Variants in ZNF132 observed in about 807,000 individuals in gnomAD.
ZNF132 encodes zinc finger protein 132.
Under a neutral mutation model 9.3 loss-of-function variants are expected in ZNF132, and 6 were observed. The ratio of observed to expected loss-of-function variants is 0.65; its 90% CI spans 0.35 to 1.28. The LOEUF is 1.28. Among genes scored for constraint, ZNF132 ranks in the 50% most tolerant of loss-of-function variants. ZNF132 has a pLI of 0.03. For synonymous variants in ZNF132, 296 were observed against 292.0 expected (o/e 1.01, Z -0.14); for missense variants, 877 against 843.2 (o/e 1.04, Z -0.50).
At chr19:58,436,667 CAA>C (rs56078209) in intron 2 of ZNF132, among the ~76,000 whole-genome samples, 17 of 65,546 alleles carry the variant, frequency 2.6e-4, no homozygotes, top group East Asian at 6.2e-4. Context: ...GACTCCATCT[CAA>C]AAAAAAAAAA....
chr19:58,436,461 T>C lies in ZNF132; in HGVS notation c.232+586A>G, dbSNP rs1009151547. On this transcript the variant is annotated intron_variant, in intron 2 of 2. Coordinates refer to ENST00000254166, the MANE Select transcript of ZNF132 (RefSeq NM_003433.4). ...GTGGGTGGATCACGAGGTCAGGAGATTGAGACCATCCTGGCTAACATGGTG... is the reference window on the plus strand; with the variant it reads ...GTGGGTGGATCACGAGGTCAGGAGACTGAGACCATCCTGGCTAACATGGTG... Among the ~76,000 whole-genome samples, 6 of 151,856 alleles carry C rather than the reference T, an allele frequency of 4.0e-5. No individual in the cohort carries two copies. In the East Asian group the frequency reaches 1.2e-3, roughly 29 times the overall value.
In ZNF132 at chr19:58,437,036, C is replaced by T. The variant is rs202147179; in HGVS notation, c.232+11G>A. 1.6e-5 allele frequency: 26 copies of T among 1,614,058 alleles called. No individual in the cohort carries two copies. The highest frequency in any genetic ancestry group is 2.2e-5 in the Non-Finnish European group (26 of 1,180,034). On this transcript the variant is annotated intron_variant, in intron 2 of 2. Coordinates refer to ENST00000254166, the MANE Select transcript of ZNF132 (RefSeq NM_003433.4). ...TAAGGTAGTCATCACCATGCTGAGA[C>T]AGGGCATTACCAAGTGAGGTCACAA...
Position 58,435,123 on chromosome 19 carries a change from A to C in ZNF132, c.321T>G (p.Asp107Glu). Residue 107 changes from aspartate to glutamate, a missense_variant, in exon 3 of 3, where the codon GAT (aspartate) becomes GAG (glutamate). By Grantham distance (45) the Asp-to-Glu change is conservative. Transcript: ENST00000254166. ...AGGAGTTAGCTTTCTTGGTGGAAGGATCTGCATTAGGGATCCTGACCTGTA... is the reference window on the plus strand; with the variant it reads ...AGGAGTTAGCTTTCTTGGTGGAAGGCTCTGCATTAGGGATCCTGACCTGTA... ...EVLQVRIPNADPSTKKANSCD... is the reference protein window; with the variant it reads ...EVLQVRIPNAEPSTKKANSCD... 2 of 1,614,164 alleles carry C rather than the reference A, an allele frequency of 1.2e-6. No individual in the cohort carries two copies. Among genetic ancestry groups the C allele is most frequent in the Non-Finnish European group, 1.7e-6 (2 of 1,180,026 alleles).
At position 58,433,335 on chromosome 19, in the gene ZNF132, C is replaced by A. The variant is rs1599964203; in HGVS notation, c.2109G>T (p.Lys703Asn). The A allele has an allele frequency of 6.2e-7, 1 of 1,611,848 alleles. No homozygotes were observed. The highest frequency in any genetic ancestry group is 1.7e-5 in the Admixed American group (1 of 59,838). Residue 703 changes from lysine (K) to asparagine (N), a missense_variant, in exon 3 of 3, where the codon AAG (lysine) becomes AAT (asparagine). By Grantham distance (94) the Lys-to-Asn change is moderately conservative. Coordinates refer to ENST00000254166, the MANE Select transcript of ZNF132 (RefSeq NM_003433.4). ...CATAAGGCTCCACTCAGGTATGAAT[C>A]TTTTTATGCTGTGCAAGGTTACAAA... Reference protein sequence around the residue: ...SHLCNLAQHKKIHT With the variant: ...SHLCNLAQHKNIHT
Position 58,433,517 on chromosome 19 carries a change from C to G in ZNF132, c.1927G>C (p.Val643Leu). The change falls in exon 3 of 3, where the codon GTT becomes CTT. Residue 643 changes from valine to leucine, a missense_variant. Val to Leu is a conservative substitution (Grantham distance 32). Coordinates refer to ENST00000254166, the MANE Select transcript of ZNF132 (RefSeq NM_003433.4). ...TGTGTGTGAACTCTCTGATGACGAA[C>G]CAGGTGGGAGTTACTGCTAAAGGCT... is the stretch of plus-strand genomic sequence containing the variant. ...GRAFSSNSHLVRHQRVHTQER... is the reference protein window; with the variant it reads ...GRAFSSNSHLLRHQRVHTQER... 6.2e-7 allele frequency: 1 copy of G among 1,613,992 alleles called. No homozygotes were observed. The highest frequency in any genetic ancestry group is 8.5e-7 in the Non-Finnish European group (1 of 1,179,990).
Position 58,436,667 on chromosome 19 carries a change from C to CG in ZNF132, c.232+379_232+380insC, listed in dbSNP as rs2052774532. ...TGGGGGACAGAGCAAGACTCCATCT[C>CG]AAAAAAAAAAAAAAAAAAAAAAAAA... On this transcript the variant is annotated intron_variant, in intron 2 of 2. Coordinates refer to ENST00000254166, the MANE Select transcript of ZNF132 (RefSeq NM_003433.4). 4.6e-5 allele frequency among the ~76,000 whole-genome samples: 3 copies of CG among 65,554 alleles called. No individual in the cohort carries two copies. The South Asian group carries it at 1.7e-3, about 37-fold the overall frequency. The allele number at this position is 65,554 out of a possible 152,430, so 43.0% of individuals were successfully genotyped here. A position where few individuals can be genotyped will look rare whatever the true frequency, so the allele number is the denominator to read the frequency against.
intron 1 of ZNF132, chr19:58,437,913 G>C: frequency 1.9e-6 from 1 of 518,150 alleles, no homozygotes; most frequent in Non-Finnish European, 2.5e-6. Context: ...CTTTGCCTTT[G>C]TATGTGTTGT....
chr19:58,438,823 C>T (rs539305747), intron 1 of ZNF132, among the ~76,000 whole-genome samples: 8 of 148,632 alleles, frequency 5.4e-5, no homozygotes, highest in East Asian at 4.0e-4. Flanking sequence ...CAGGCTGGAG[C>T]GCAGTGGCAC....
rs753375440 is a variant in ZNF132 at position 58,434,835 on chromosome 19, G to C, written c.609C>G (p.Gly203=). The C allele has an allele frequency of 6.2e-7, 1 of 1,614,174 alleles. No homozygotes were observed. Among genetic ancestry groups the C allele is most frequent in the Non-Finnish European group, 8.5e-7 (1 of 1,180,036 alleles). Residue 203 remains glycine (G), a synonymous_variant, in exon 3 of 3, where the codon GGC becomes GGG. Transcript: ENST00000254166. ...TCREGGKVIL[G]SCDLLQLQAV... is the part of the protein sequence containing the mutation. ...CTTGAAGCTGGAGGAGGTCACAGCT[G>C]CCCAGGATGACCTTCCCACCTTCCC...
At position 58,434,239 on chromosome 19, in the gene ZNF132, G is replaced by C. The variant is rs761154606; in HGVS notation, c.1205C>G (p.Pro402Arg). 6.2e-7 allele frequency: 1 copy of C among 1,614,116 alleles called. No individual in the cohort carries two copies. The highest frequency in any genetic ancestry group is 1.1e-5 in the South Asian group (1 of 91,078). ...TTTACCACATTGACTGCACTCATAAGGTCTTACCTGTGTGTGAACTTTCTG... is the reference window on the plus strand; with the variant it reads ...TTTACCACATTGACTGCACTCATAACGTCTTACCTGTGTGTGAACTTTCTG... ...RHQKVHTQVR[P>R]YECSQCGKSF... is the part of the protein sequence containing the mutation. The change falls in exon 3 of 3, where the codon CCT (proline) becomes CGT (arginine). Residue 402 changes from proline to arginine, a missense_variant. Coordinates refer to ENST00000254166, the MANE Select transcript of ZNF132 (RefSeq NM_003433.4).
Position 58,433,252 on chromosome 19 carries a change from G to GGGGGA in ZNF132, c.*70_*71insTCCCC. On this transcript the variant is annotated 3_prime_UTR_variant, in exon 3 of 3. Transcript: ENST00000254166. ...TACATGTAGGTAATTTTTCTGGTAT[G>GGGGGA]GGGATTCTGCTGCATGAAGTTTGAC... 1 of 1,484,976 alleles carries GGGGGA rather than the reference G, an allele frequency of 6.7e-7. No homozygotes were observed. The highest frequency in any genetic ancestry group is 1.3e-5 in the South Asian group (1 of 77,896). 92.0% of individuals were successfully genotyped at this position (1,484,976 alleles called of 1,614,324 possible).
At chr19:58,435,436 A>T (rs1047992336) in intron 2 of ZNF132, 2 of 519,272 alleles carry the variant, frequency 3.9e-6, no homozygotes, top group African/African-American at 3.8e-5. Context: ...AGGACACAGA[A>T]ATGGGTCAAA....
chr19:58,435,084 C>G lies in ZNF132; in HGVS notation c.360G>C (p.Gly120=). The G allele has an allele frequency of 6.2e-7, 1 of 1,614,126 alleles. No homozygotes were observed. Among genetic ancestry groups the G allele is most frequent in the Non-Finnish European group, 8.5e-7 (1 of 1,180,020 alleles). Residue 120 remains glycine, a synonymous_variant, in exon 3 of 3, where the codon GGG becomes GGC. Coordinates refer to ENST00000254166, the MANE Select transcript of ZNF132 (RefSeq NM_003433.4). ...GGTGCAAAATGTCTTTCAAGAATGGCCCACACATGTCACAGGAGTTAGCTT... is the reference window on the plus strand; with the variant it reads ...GGTGCAAAATGTCTTTCAAGAATGGGCCACACATGTCACAGGAGTTAGCTT... The part of the protein sequence containing the change: ...TKKANSCDMC[G]PFLKDILHLA...
At chr19:58,437,013 A>C in intron 2 of ZNF132, 34 bp downstream of exon 2, 1 of 1,613,988 alleles carries the variant, frequency 6.2e-7, no homozygotes, top group Non-Finnish European at 8.5e-7. Flanking sequence ...ACAAGGCATA[A>C]GGTAGTCATC....
intron 1 of ZNF132, 135 bp from the exon 2 acceptor site, chr19:58,437,350 C>T: frequency 1.9e-6 from 2 of 1,045,474 alleles, no homozygotes; most frequent in Non-Finnish European, 2.7e-6. Flanking sequence ...CACCCATCCA[C>T]AGCTTATCTT....
At position 58,433,794 on chromosome 19, in the gene ZNF132, T is replaced by C; in HGVS notation, c.1650A>G (p.Lys550=). 1 of 1,614,214 alleles carries C rather than the reference T, an allele frequency of 6.2e-7. No individual in the cohort carries two copies. The part of the protein sequence containing the change: ...EKPYECSECG[K]AFAHSSTLIE... The stretch of plus-strand genomic sequence containing the variant: ...TGAGAGTGGAGCTGTGAGCAAAGGC[T>C]TTCCCACACTCACTACACTCGTAAG... Residue 550 remains lysine, a synonymous_variant, in exon 3 of 3, where the codon AAA becomes AAG. Coordinates refer to ENST00000254166, the MANE Select transcript of ZNF132 (RefSeq NM_003433.4).
rs2052777983 is a variant in ZNF132 at position 58,437,131 on chromosome 19, C to G, written c.148G>C (p.Glu50Gln). 1 of 1,614,044 alleles carries G rather than the reference C, an allele frequency of 6.2e-7. No individual in the cohort carries two copies. The highest frequency in any genetic ancestry group is 1.3e-5 in the African/African-American group (1 of 74,910). The change falls in exon 2 of 3, where the codon GAG becomes CAG. Residue 50 changes from glutamate to glutamine, a missense_variant. By Grantham distance (29) the Glu-to-Gln change is conservative. Coordinates refer to ENST00000254166, the MANE Select transcript of ZNF132 (RefSeq NM_003433.4). ...GCTGCATCAAGGAGCTCCCACTCCT[C>G]TTGGGAGAAGTATACAGCCACATCT... Reference protein sequence around the residue: ...FEDVAVYFSQEEWELLDAAQR... With the variant: ...FEDVAVYFSQQEWELLDAAQR...
At chr19:58,437,984 C>A (rs1303698217) in intron 1 of ZNF132, among the ~76,000 whole-genome samples, 1 of 152,174 alleles carries the variant, frequency 6.6e-6, no homozygotes, top group Non-Finnish European at 1.5e-5. Context: ...ATCCACTGGC[C>A]CCCACCTTGG....
chr19:58,439,783 T>A lies in ZNF132; in HGVS notation c.39A>T (p.Pro13=). 6.5e-7 allele frequency: 1 copy of A among 1,546,468 alleles called. No homozygotes were observed. The highest frequency in any genetic ancestry group is 8.7e-7 in the Non-Finnish European group (1 of 1,145,986). ...LPSPQVLMGL[P]ALLMGPAQHT... ...CCTGCGCCGGGCCCATCAGCAACGCTGGCAACCCCATTAGAACCTGTGGGC... is the reference window on the plus strand; with the variant it reads ...CCTGCGCCGGGCCCATCAGCAACGCAGGCAACCCCATTAGAACCTGTGGGC... Residue 13 remains proline (P), a synonymous_variant, in exon 1 of 3, where the codon CCA becomes CCT. Coordinates refer to ENST00000254166, the MANE Select transcript of ZNF132 (RefSeq NM_003433.4).
Sources: allele counts gnomAD v4.1 joint callset (sites outside exome capture counted in the v4.1 genomes callset), GRCh38; gene constraint gnomAD v4.1.1; transcripts MANE v1.5; gene names NCBI Gene and HGNC (gene_info 2026-07-23, HGNC 2026-07-21).